Variants in VKORC1L1 observed in about 807,000 individuals in gnomAD.
VKORC1L1 encodes vitamin K epoxide reductase complex subunit 1L1.
VKORC1L1 carries 2 observed loss-of-function variants against 18.9 expected under a neutral mutation model. The observed-to-expected ratio is 0.11, with a 90% confidence interval of 0.04 to 0.33. The LOEUF (loss-of-function observed/expected upper bound fraction) is 0.33. Among genes scored for constraint, VKORC1L1 ranks in the 10% least tolerant of loss-of-function variants. The pLI, the probability that VKORC1L1 is intolerant of heterozygous loss-of-function variation, is 1.00. For synonymous variants in VKORC1L1, 96 were observed against 100.0 expected (o/e 0.96, Z 0.24); for missense variants, 123 against 224.1 (o/e 0.55, Z 2.88).
rs926644026 is a variant in VKORC1L1 at position 65,955,664 on chromosome 7, C to A, written c.*1364C>A. On this transcript the variant is annotated 3_prime_UTR_variant, in exon 3 of 3. Transcript: ENST00000360768. ...TCAAACCAAATATTTTGTGTGTTGA[C>A]CTTGGGCAGAAGAAGTGTCCTTCCC... 2 of 152,152 alleles carry A rather than the reference C, an allele frequency of 1.3e-5. No individual in the cohort carries two copies. The highest frequency in any genetic ancestry group is 1.5e-5 in the Non-Finnish European group (1 of 68,040). 9.4% of individuals were successfully genotyped at this position (152,152 alleles called of 1,614,324 possible).
At chr7:65,890,735 T>G (rs1789098307) in intron 1 of VKORC1L1, among the ~76,000 whole-genome samples, 1 of 152,270 alleles carries the variant, frequency 6.6e-6, no homozygotes, top group South Asian at 2.1e-4. Flanking sequence ...AATTCCTGTT[T>G]ATCCACCTCT....
At chr7:65,880,576 T>A (rs1788911256) in intron 1 of VKORC1L1, among the ~76,000 whole-genome samples, 1 of 152,150 alleles carries the variant, frequency 6.6e-6, no homozygotes, top group East Asian at 1.9e-4. Flanking sequence ...GAGGGAGGCC[T>A]TGTCGTGTGG....
intron 1 of VKORC1L1, among the ~76,000 whole-genome samples, chr7:65,876,190 C>T (rs1198927565): frequency 6.6e-6 from 1 of 152,162 alleles, no homozygotes; most frequent in African/African-American, 2.4e-5. Flanking sequence ...CTGTCACCAT[C>T]ATTTCATTTA....
chr7:65,957,484 C>CA lies in VKORC1L1; in HGVS notation c.*3194dup, dbSNP rs768068700. 0.075 allele frequency: 10,725 copies of CA among 143,920 alleles called. 542 individuals carry two copies. Among genetic ancestry groups the CA allele is most frequent in the African/African-American group, 0.14 (5,433 of 38,820 alleles). 8.9% of individuals were successfully genotyped at this position (143,920 alleles called of 1,614,324 possible). A position where few individuals can be genotyped will look rare whatever the true frequency, so the allele number is the denominator to read the frequency against. Reference sequence around the variant, plus strand: ...CAACAGAGCGAGACTGTCCCCCCCCCAAAAAAAAAAGAGAGAGACTGCATT... The same window carrying CA: ...CAACAGAGCGAGACTGTCCCCCCCCCAAAAAAAAAAAGAGAGAGACTGCATT... On this transcript the variant is annotated 3_prime_UTR_variant, in exon 3 of 3. Coordinates refer to ENST00000360768, the MANE Select transcript of VKORC1L1 (RefSeq NM_173517.6).
At chr7:65,921,707 G>C (rs1335780034) in intron 1 of VKORC1L1, among the ~76,000 whole-genome samples, 2 of 152,132 alleles carry the variant, frequency 1.3e-5, no homozygotes, top group East Asian at 3.9e-4. Flanking sequence ...AATTAGCCGG[G>C]CGTGGTGGCG....
intron 1 of VKORC1L1, among the ~76,000 whole-genome samples, chr7:65,874,532 G>A (rs1311060268): frequency 2.6e-5 from 4 of 152,078 alleles, no homozygotes; most frequent in African/African-American, 7.2e-5. Flanking sequence ...TCTTGGCCGG[G>A]CACAGTGGCT....
chr7:65,889,056 A>G (rs1789066465), intron 1 of VKORC1L1, among the ~76,000 whole-genome samples: 1 of 150,418 alleles, frequency 6.6e-6, no homozygotes, highest in South Asian at 2.1e-4. Flanking sequence ...ATGGTTCGTG[A>G]CAGTTCTTCA....
chr7:65,897,151 G>C (rs886340270), intron 1 of VKORC1L1, among the ~76,000 whole-genome samples: 2 of 152,214 alleles, frequency 1.3e-5, no homozygotes, highest in Non-Finnish European at 2.9e-5. Context: ...ATCGCTTGCT[G>C]ATAGAAAAGA....
At chr7:65,936,051 T>C (rs1789937337) in intron 1 of VKORC1L1, among the ~76,000 whole-genome samples, 1 of 152,142 alleles carries the variant, frequency 6.6e-6, no homozygotes, top group South Asian at 2.1e-4. Flanking sequence ...CACTGAATCT[T>C]CCCTTTGGTA....
At chr7:65,866,519 A>G in the VKORC1L1 span, among the ~76,000 whole-genome samples, 2 of 152,310 alleles carry the variant, frequency 1.3e-5, no homozygotes, top group African/African-American at 4.8e-5. Context: ...AGGAAATCCT[A>G]AAAAGATTCC....
chr7:65,927,210 C>G (rs769519655), intron 1 of VKORC1L1, among the ~76,000 whole-genome samples: 5 of 152,000 alleles, frequency 3.3e-5, no homozygotes, highest in Non-Finnish European at 7.4e-5. Flanking sequence ...TCATTTGAAC[C>G]TGGAAGACAA....
At chr7:65,928,965 A>T (rs1295962273) in intron 1 of VKORC1L1, among the ~76,000 whole-genome samples, 1 of 152,112 alleles carries the variant, frequency 6.6e-6, no homozygotes, top group Non-Finnish European at 1.5e-5. Flanking sequence ...TGGGATTCTC[A>T]TTTGTATTTC....
At chr7:65,913,984 T>A (rs1010923241) in intron 1 of VKORC1L1, among the ~76,000 whole-genome samples, 3 of 152,122 alleles carry the variant, frequency 2.0e-5, no homozygotes, top group African/African-American at 7.2e-5. Flanking sequence ...GGAATTGGAA[T>A]GGCCTCTTGA....
chr7:65,895,481 AT>A (rs1465512482), intron 1 of VKORC1L1, among the ~76,000 whole-genome samples: 563 of 23,374 alleles, frequency 0.024, 30 homozygotes, highest in East Asian at 0.073. Context: ...AAAAAAAAAA[AT>A]ATATATATAT....
chr7:65,899,893 G>A (rs552712910), intron 1 of VKORC1L1, among the ~76,000 whole-genome samples: 4 of 152,126 alleles, frequency 2.6e-5, no homozygotes, highest in African/African-American at 9.6e-5. Context: ...CCAGCTACTC[G>A]GGAGGCTGAG....
intron 1 of VKORC1L1, among the ~76,000 whole-genome samples, chr7:65,886,771 T>C (rs1789018756): frequency 6.6e-6 from 1 of 151,236 alleles, no homozygotes; most frequent in Non-Finnish European, 1.5e-5. Flanking sequence ...TCTCCTGACC[T>C]TGTGATCCAC....
rs74335315 is a variant in VKORC1L1 at position 65,952,566 on chromosome 7, T to A, written c.305-1508T>A. Among the ~76,000 whole-genome samples the A allele has an allele frequency of 4.7e-3, 719 of 152,192 alleles. 5 individuals are homozygous for A. The highest frequency in any genetic ancestry group is 0.016 in the African/African-American group (658 of 41,536). On this transcript the variant is annotated intron_variant, in intron 2 of 2. Coordinates refer to ENST00000360768, the MANE Select transcript of VKORC1L1 (RefSeq NM_173517.6). ...AACAGGGCCCAGGATTTCAGCTCTT[T>A]AACTGACTTCTTTATACCTGCTCCC...
rs558155375 is a variant in VKORC1L1 at position 65,897,087 on chromosome 7, A to G, written c.194+23522A>G. ...TTGGGACTCCAGTGATAAGCTGGGAAGAAATAGTTGCCATGCAGCATGTTC... is the reference window on the plus strand; with the variant it reads ...TTGGGACTCCAGTGATAAGCTGGGAGGAAATAGTTGCCATGCAGCATGTTC... On this transcript the variant is annotated intron_variant, in intron 1 of 2. Coordinates refer to ENST00000360768, the MANE Select transcript of VKORC1L1 (RefSeq NM_173517.6). 2.8e-4 allele frequency among the ~76,000 whole-genome samples: 42 copies of G among 152,354 alleles called. 1 individual carries two copies. The South Asian group carries it at 5.8e-3, about 21-fold the overall frequency.
chr7:65,881,808 A>T (rs1435666780), intron 1 of VKORC1L1, among the ~76,000 whole-genome samples: 1 of 152,196 alleles, frequency 6.6e-6, no homozygotes, highest in African/African-American at 2.4e-5. Context: ...GGCCAGGCAC[A>T]GTGGCTCATG....
Sources: gnomAD v4.1 joint callset for allele counts (sites outside exome capture counted in the v4.1 genomes callset) on GRCh38, gnomAD v4.1.1 for gene constraint, MANE v1.5 for transcripts, NCBI Gene and HGNC (gene_info 2026-07-23, HGNC 2026-07-21) for gene names.